ZNF827: variants seen among roughly 807,000 people sequenced by gnomAD.
ZNF827 encodes zinc finger protein 827.
ZNF827 carries 13 observed loss-of-function variants against 102.4 expected under a neutral mutation model. That is an observed-to-expected ratio of 0.13 (90% CI 0.08 to 0.20). The LOEUF (loss-of-function observed/expected upper bound fraction) is 0.20, where lower values mean the gene tolerates loss of function less well. ZNF827 is among the 10% of genes least tolerant of loss of function. The pLI is 1.00. For missense variants in ZNF827, 1,103 were observed against 1,344.4 expected (o/e 0.82, Z 2.81); for synonymous variants, 523 against 536.2 (o/e 0.98, Z 0.34).
intron 5 of ZNF827, among the ~76,000 whole-genome samples, chr4:145,852,280 C>T (rs1320519864): frequency 6.6e-6 from 1 of 152,194 alleles, no homozygotes. Context: ...AATAAAAAAT[C>T]ACCTGGCTAT....
At chr4:145,856,097 C>T (rs1747078976) in intron 5 of ZNF827, among the ~76,000 whole-genome samples, 1 of 151,918 alleles carries the variant, frequency 6.6e-6, no homozygotes, top group Non-Finnish European at 1.5e-5. Context: ...TGGGTTCAAG[C>T]AATTCTCCTG....
rs1202426122 is a variant in ZNF827 at position 145,922,845 on chromosome 4, GTGTT to G, written c.43+15516_43+15519del. ...CTGATACTTCAAGGAAAAACTGACA[GTGTT>G]TGTTGCCAACAATAAAATTCAAGCT... On this transcript the variant is annotated intron_variant, in intron 1 of 14. Transcript: ENST00000508784. Among the ~76,000 whole-genome samples, 8 of 148,602 alleles carry G rather than the reference GTGTT, an allele frequency of 5.4e-5. No individual in the cohort carries two copies. The East Asian group carries it at 1.5e-3, about 29-fold the overall frequency.
chr4:145,883,441 C>T (rs140470230), intron 4 of ZNF827, among the ~76,000 whole-genome samples: 17 of 152,298 alleles, frequency 1.1e-4, no homozygotes, highest in East Asian at 9.6e-4. Context: ...GGCTTTGATG[C>T]GCAATTCTTC....
rs35423633 is a variant in ZNF827, at chr4:145,921,470, C to CAA, written c.43+16893_43+16894dup. On this transcript the variant is annotated intron_variant, in intron 1 of 14. Transcript: ENST00000508784. ...GGGGAGGGGAGAGGTGAGACTCAGG[C>CAA]AAAAAAAAAAAAAAAAAAAAAAAGA... Among the ~76,000 whole-genome samples the CAA allele has an allele frequency of 5.8e-3, 309 of 53,560 alleles. 1 individual carries two copies. Among genetic ancestry groups the CAA allele is most frequent in the African/African-American group, 0.013 (160 of 12,720 alleles). The allele number at this position is 53,560 out of a possible 152,430, so 35.1% of individuals were successfully genotyped here.
rs1473356458 is a variant in ZNF827, at chr4:145,759,844, C to T, written c.*1772G>A. The stretch of plus-strand genomic sequence containing the variant: ...ATTTATCAACCATAAATTTTTTCAC[C>T]CATACATTTCTTTTTCCTGCAAACA... On this transcript the variant is annotated 3_prime_UTR_variant, in exon 15 of 15. Coordinates refer to ENST00000508784, the MANE Select transcript of ZNF827 (RefSeq NM_001306215.2). 1.3e-5 allele frequency: 2 copies of T among 152,034 alleles called. No individual in the cohort carries two copies. Among genetic ancestry groups the T allele is most frequent in the Non-Finnish European group, 2.9e-5 (2 of 67,992 alleles). The allele number at this position is 152,034 out of a possible 1,614,324, so 9.4% of individuals were successfully genotyped here. A position where few individuals can be genotyped will look rare whatever the true frequency, so the allele number is the denominator to read the frequency against.
At chr4:145,815,668 G>C (rs140553394) in intron 8 of ZNF827, among the ~76,000 whole-genome samples, 7 of 152,320 alleles carry the variant, frequency 4.6e-5, no homozygotes, top group Non-Finnish European at 8.8e-5. Context: ...ATGTATTTTT[G>C]ATAGCAAAGG....
chr4:145,812,871 C>T (rs758463402), intron 8 of ZNF827, among the ~76,000 whole-genome samples: 4 of 152,130 alleles, frequency 2.6e-5, no homozygotes, highest in Admixed American at 6.5e-5. Context: ...ATGGGACAGT[C>T]GTCCCCTCCT....
At chr4:145,880,911 A>G (rs1329363184) in intron 4 of ZNF827, among the ~76,000 whole-genome samples, 1 of 152,250 alleles carries the variant, frequency 6.6e-6, no homozygotes, top group East Asian at 1.9e-4. Flanking sequence ...TTTACTTGGA[A>G]GAAGGCTCAT....
At chr4:145,784,859 T>A (rs774136344) in intron 8 of ZNF827, among the ~76,000 whole-genome samples, 166 of 152,250 alleles carry the variant, frequency 1.1e-3, no homozygotes, top group Non-Finnish European at 2.2e-3. Flanking sequence ...ACCTCTTTTT[T>A]TGTACAGAGT....
chr4:145,819,168 G>A (rs75271868), intron 8 of ZNF827, among the ~76,000 whole-genome samples: 2,465 of 151,776 alleles, frequency 0.016, 65 homozygotes, highest in African/African-American at 0.056. Context: ...GAATATAATT[G>A]CAGATGTGCT....
chr4:145,920,117 A>T (rs1330294294), intron 1 of ZNF827, among the ~76,000 whole-genome samples: 2 of 152,258 alleles, frequency 1.3e-5, no homozygotes, highest in Admixed American at 6.5e-5. Flanking sequence ...TTAGTGAATA[A>T]TAGCTTTCCC....
chr4:145,798,139 T>G (rs1740546314), intron 8 of ZNF827, among the ~76,000 whole-genome samples: 1 of 152,216 alleles, frequency 6.6e-6, no homozygotes, highest in South Asian at 2.1e-4. Context: ...GGACTTCATG[T>G]TCACATGACA....
Position 145,902,131 on chromosome 4 carries a change from G to A in ZNF827, c.1093+35C>T, listed in dbSNP as rs1389556596. ...AGACATCGCAGTTTATAGTCTAAAG[G>A]ACTTACACGATGATTGAAAGAAAAG... is the stretch of plus-strand genomic sequence containing the variant. On this transcript the variant is annotated intron_variant, in intron 2 of 14. Coordinates refer to ENST00000508784, the MANE Select transcript of ZNF827 (RefSeq NM_001306215.2). The surrounding 1 kb of genome is among the most constrained non-coding windows in gnomAD (Gnocchi z 4.3). 6.4e-7 allele frequency: 1 copy of A among 1,554,054 alleles called. No homozygotes were observed. The highest frequency in any genetic ancestry group is 8.7e-7 in the Non-Finnish European group (1 of 1,155,814).
chr4:145,893,672 C>G (rs1750771497), intron 2 of ZNF827, among the ~76,000 whole-genome samples: 2 of 152,170 alleles, frequency 1.3e-5, no homozygotes, highest in Admixed American at 6.5e-5. Flanking sequence ...TTAATCTTAA[C>G]ATTACTAAAA....
chr4:145,792,973 T>C (rs1461961838), intron 8 of ZNF827, among the ~76,000 whole-genome samples: 2 of 152,054 alleles, frequency 1.3e-5, no homozygotes, highest in African/African-American at 4.8e-5. Context: ...GTAGGTTGTT[T>C]GTGTGTTGAT....
intron 1 of ZNF827, among the ~76,000 whole-genome samples, chr4:145,937,877 A>C (rs1476361458): frequency 1.5e-5 from 2 of 134,148 alleles, no homozygotes; most frequent in African/African-American, 2.8e-5. Flanking sequence ...CCCAAACGCC[A>C]TGTCACGGCC....
At chr4:145,883,305 G>C (rs562119492) in intron 4 of ZNF827, among the ~76,000 whole-genome samples, 1 of 152,180 alleles carries the variant, frequency 6.6e-6, no homozygotes, top group Admixed American at 6.5e-5. Context: ...TGGGCCTTTT[G>C]CATAAATAGT....
intron 1 of ZNF827, among the ~76,000 whole-genome samples, chr4:145,905,009 G>A (rs1379517697): frequency 6.6e-6 from 1 of 152,220 alleles, no homozygotes; most frequent in Non-Finnish European, 1.5e-5. Flanking sequence ...CAAGGCGTGA[G>A]AAGTGACTCA....
chr4:145,812,017 C>T (rs6846946), intron 8 of ZNF827, among the ~76,000 whole-genome samples: 3,885 of 151,618 alleles, frequency 0.026, 169 homozygotes, highest in African/African-American at 0.087. Context: ...TGGGTTCAAG[C>T]GATTCTCCTG....
Sources: allele counts gnomAD v4.1 joint callset (sites outside exome capture counted in the v4.1 genomes callset), GRCh38; gene constraint gnomAD v4.1.1; non-coding constraint Gnocchi (gnomAD v3.1); transcripts MANE v1.5; gene names NCBI Gene and HGNC (gene_info 2026-07-23, HGNC 2026-07-21).